WDPCP: variants seen among roughly 807,000 people sequenced by gnomAD.
WDPCP encodes WD repeat containing planar cell polarity effector, also known as WD repeat-containing and planar cell polarity effector protein fritz homolog.
In WDPCP, 71 loss-of-function variants were observed where a neutral mutation model predicts 93.1. That is an observed-to-expected ratio of 0.76 (90% CI 0.63 to 0.93). The LOEUF (loss-of-function observed/expected upper bound fraction) is 0.93, where lower values mean the gene tolerates loss of function less well. Among genes scored for constraint, WDPCP ranks in the 40% least tolerant of loss-of-function variants. WDPCP has a pLI of 0.00. For synonymous variants in WDPCP, 315 were observed against 315.0 expected (o/e 1.00, Z 0.00); for missense variants, 844 against 887.4 (o/e 0.95, Z 0.62).
chr2:63,575,240 A>T (rs556396251), intron 1 of WDPCP, among the ~76,000 whole-genome samples: 1 of 150,784 alleles, frequency 6.6e-6, no homozygotes, highest in South Asian at 2.1e-4. Context: ...ATTGTTCTCT[A>T]CTATAGATAG....
chr2:63,409,402 C>G (rs1694858564), intron 9 of WDPCP, among the ~76,000 whole-genome samples: 1 of 152,270 alleles, frequency 6.6e-6, no homozygotes, highest in African/African-American at 2.4e-5. Flanking sequence ...TGAACAACAG[C>G]CTTCAACCCT....
At chr2:63,131,046 T>C (rs894290264) in intron 17 of WDPCP, among the ~76,000 whole-genome samples, 4 of 152,154 alleles carry the variant, frequency 2.6e-5, no homozygotes, top group African/African-American at 9.7e-5. Flanking sequence ...CATGAAATAT[T>C]TTTTCCATCC....
chr2:63,252,575 G>C (rs1330171563), intron 14 of WDPCP, among the ~76,000 whole-genome samples: 1 of 152,134 alleles, frequency 6.6e-6, no homozygotes, highest in Non-Finnish European at 1.5e-5. Context: ...CTTCTGTAAA[G>C]TTTTGGATAC....
chr2:63,812,889 T>C (rs778734809), intron 2 of WDPCP, among the ~76,000 whole-genome samples: 4 of 152,120 alleles, frequency 2.6e-5, no homozygotes, highest in Non-Finnish European at 5.9e-5. Context: ...CTTTATTTTT[T>C]TTTTTTTAGA....
At chr2:63,253,122 G>C (rs147523935) in intron 14 of WDPCP, among the ~76,000 whole-genome samples, 3 of 151,914 alleles carry the variant, frequency 2.0e-5, no homozygotes, top group Admixed American at 2.0e-4. Context: ...ACATCTACAG[G>C]CATCTGATCT....
chr2:63,564,198 C>T (rs1200388433), intron 1 of WDPCP: 1 of 152,142 alleles, frequency 6.6e-6, no homozygotes, highest in Non-Finnish European at 1.5e-5. Context: ...GTCAACTTGT[C>T]AAGAATATTT....
chr2:63,126,200 C>G (rs1052606629), intron 17 of WDPCP, among the ~76,000 whole-genome samples: 3 of 152,160 alleles, frequency 2.0e-5, no homozygotes, highest in African/African-American at 7.2e-5. Context: ...TCCCAAAGTG[C>G]TGGGATTACA....
intron 3 of WDPCP, among the ~76,000 whole-genome samples, chr2:63,603,427 T>A (rs1323033621): frequency 6.6e-6 from 1 of 152,144 alleles, no homozygotes; most frequent in Non-Finnish European, 1.5e-5. Flanking sequence ...ACTAGTTTCT[T>A]CTCCCATTCT....
chr2:63,794,728 T>C (rs1037290209), intron 2 of WDPCP, among the ~76,000 whole-genome samples: 3 of 152,180 alleles, frequency 2.0e-5, no homozygotes, highest in Admixed American at 6.5e-5. Context: ...CCACTTTGAG[T>C]TGGGTTTTCG....
chr2:63,164,211 A>G (rs1235981055), intron 15 of WDPCP, among the ~76,000 whole-genome samples: 1 of 152,164 alleles, frequency 6.6e-6, no homozygotes, highest in East Asian at 1.9e-4. Flanking sequence ...ACCTAATCTA[A>G]TTATTTTTAA....
chr2:63,267,999 T>C (rs551561593), intron 13 of WDPCP, among the ~76,000 whole-genome samples: 15 of 152,166 alleles, frequency 9.9e-5, no homozygotes, highest in Non-Finnish European at 2.1e-4. Context: ...GAAATTGATA[T>C]GTCAAGCAGA....
chr2:63,254,515 C>T (rs1296769446), intron 14 of WDPCP, among the ~76,000 whole-genome samples: 1 of 152,038 alleles, frequency 6.6e-6, no homozygotes, highest in Non-Finnish European at 1.5e-5. Flanking sequence ...TTAATATAAA[C>T]TTTAAAAATT....
intron 1 of WDPCP, among the ~76,000 whole-genome samples, chr2:63,509,240 A>G (rs542510601): frequency 1.1e-4 from 17 of 152,226 alleles, no homozygotes; most frequent in Admixed American, 3.3e-4. Flanking sequence ...AGTTTATCAG[A>G]CCACAATGCA....
At chr2:63,520,388 C>A (rs1702837831) in intron 1 of WDPCP, among the ~76,000 whole-genome samples, 1 of 152,138 alleles carries the variant, frequency 6.6e-6, no homozygotes, top group African/African-American at 2.4e-5. Context: ...ATGCACAGAA[C>A]TCCTGCAGAA....
chr2:63,414,446 C>T (rs1022676177), intron 9 of WDPCP, among the ~76,000 whole-genome samples: 2 of 151,090 alleles, frequency 1.3e-5, no homozygotes, highest in Non-Finnish European at 1.5e-5. Flanking sequence ...GATAAAGAAA[C>T]TGTGATATAT....
intron 1 of WDPCP, among the ~76,000 whole-genome samples, chr2:63,826,884 G>A (rs1228326247): frequency 6.6e-6 from 1 of 152,082 alleles, no homozygotes; most frequent in African/African-American, 2.4e-5. Context: ...TTGGAAAAAT[G>A]GTCCAAAGCT....
chr2:63,294,928 A>G (rs1023094983), intron 13 of WDPCP, among the ~76,000 whole-genome samples: 3 of 152,204 alleles, frequency 2.0e-5, no homozygotes, highest in Admixed American at 6.5e-5. Flanking sequence ...TATATGAGAC[A>G]GATACATTTA....
chr2:63,274,256 CAAATAAG>C (rs1170889502), intron 13 of WDPCP, among the ~76,000 whole-genome samples: 6 of 151,944 alleles, frequency 3.9e-5, no homozygotes, highest in Non-Finnish European at 8.8e-5. Context: ...ACCCCTGAAT[CAAATAAG>C]AAATTAAGAA....
chr2:63,796,001 C>T (rs554122588), intron 2 of WDPCP, among the ~76,000 whole-genome samples: 1 of 152,300 alleles, frequency 6.6e-6, no homozygotes, highest in Admixed American at 6.5e-5. Flanking sequence ...TCCCATTCCC[C>T]TTGCAAGTAA....
Sources: gnomAD v4.1 joint callset for allele counts (sites outside exome capture counted in the v4.1 genomes callset) on GRCh38, gnomAD v4.1.1 for gene constraint, MANE v1.5 for transcripts, NCBI Gene and HGNC (gene_info 2026-07-23, HGNC 2026-07-21) for gene names.